Variants in PHTF2 observed in about 807,000 individuals in gnomAD.
PHTF2 encodes protein PHTF2.
Under a neutral mutation model 101.2 loss-of-function variants are expected in PHTF2, and 60 were observed. The observed-to-expected ratio is 0.59, with a 90% CI of 0.48 to 0.73. The LOEUF is 0.73. Ranked by LOEUF, PHTF2 falls within the 30% of genes least tolerant of loss-of-function variation. The pLI is 0.00. For synonymous variants in PHTF2, 311 were observed against 307.3 expected, an observed-to-expected ratio of 1.01 and a Z score of -0.13; for missense variants, 747 against 908.7, an observed-to-expected ratio of 0.82 and a Z score of 2.29.
At chr7:77,855,457 G>C (rs1467097197) in intron 3 of PHTF2, among the ~76,000 whole-genome samples, 1 of 152,190 alleles carries the variant, frequency 6.6e-6, no homozygotes, top group African/African-American at 2.4e-5. Flanking sequence ...AAGGAGTGGT[G>C]CAAGCATTCT....
At chr7:77,897,292 CATTTTTT>C in intron 5 of PHTF2, among the ~76,000 whole-genome samples, 1 of 75,006 alleles carries the variant, frequency 1.3e-5, no homozygotes, top group South Asian at 4.2e-4. Flanking sequence ...CAGCCCATTT[CATTTTTT>C]TTTTTTTTTT....
intron 2 of PHTF2, among the ~76,000 whole-genome samples, chr7:77,847,624 A>G (rs1326644029): frequency 6.6e-6 from 1 of 152,246 alleles, no homozygotes; most frequent in Non-Finnish European, 1.5e-5. Context: ...GGGGTACATG[A>G]GATATTTTGA....
At chr7:77,837,058 A>C (rs1562859219) in intron 1 of PHTF2, among the ~76,000 whole-genome samples, 3 of 152,106 alleles carry the variant, frequency 2.0e-5, no homozygotes, top group African/African-American at 7.2e-5. Flanking sequence ...GCTTAGAGTT[A>C]ACTGCCTAAT....
At chr7:77,808,181 T>C (rs1238480677) in intron 1 of PHTF2, among the ~76,000 whole-genome samples, 2 of 152,204 alleles carry the variant, frequency 1.3e-5, no homozygotes, top group African/African-American at 2.4e-5. Flanking sequence ...TAAGATTCAA[T>C]ATATATTTTA....
At chr7:77,842,916 T>A (rs1322544725) in intron 2 of PHTF2, among the ~76,000 whole-genome samples, 2 of 152,228 alleles carry the variant, frequency 1.3e-5, no homozygotes, top group African/African-American at 4.8e-5. Flanking sequence ...TGAGCATGGC[T>A]GTGTTCCAGT....
chr7:77,825,797 GTT>G (rs1240456703), intron 1 of PHTF2, among the ~76,000 whole-genome samples: 1 of 152,074 alleles, frequency 6.6e-6, no homozygotes, highest in African/African-American at 2.4e-5. Flanking sequence ...GAGGATAGCA[GTT>G]TCTGTATTAA....
intron 2 of PHTF2, 93 bp downstream of exon 2, chr7:77,840,393 G>A: frequency 2.8e-6 from 2 of 724,794 alleles, no homozygotes; most frequent in Non-Finnish European, 2.4e-6. Context: ...ATTTTGAGTG[G>A]GAAAGGAAGA....
chr7:77,934,545 G>A (rs369908605), intron 12 of PHTF2, among the ~76,000 whole-genome samples: 2 of 152,210 alleles, frequency 1.3e-5, no homozygotes, highest in Admixed American at 6.5e-5. Context: ...CAAAGCAGTT[G>A]AGATTTTAAG....
intron 1 of PHTF2, among the ~76,000 whole-genome samples, chr7:77,813,646 TAATGA>T (rs1439049972): frequency 6.6e-6 from 1 of 152,224 alleles, no homozygotes; most frequent in Non-Finnish European, 1.5e-5. Context: ...ATTTAAGCAA[TAATGA>T]AATGTATGAG....
chr7:77,914,671 A>T (rs545593514), intron 9 of PHTF2, among the ~76,000 whole-genome samples: 1 of 152,258 alleles, frequency 6.6e-6, no homozygotes, highest in African/African-American at 2.4e-5. Flanking sequence ...TGAAAATCAC[A>T]GTTTTGTTGT....
At chr7:77,955,165 A>G (rs1022510691) in exon 20 of PHTF2, 1 of 211,458 alleles carries the variant, frequency 4.7e-6, no homozygotes, top group African/African-American at 2.3e-5. Context: ...GTCATAAATA[A>G]TTGGCAAAAT....
At chr7:77,875,677 C>A (rs1798878723) in intron 3 of PHTF2, among the ~76,000 whole-genome samples, 1 of 152,026 alleles carries the variant, frequency 6.6e-6, no homozygotes, top group South Asian at 2.1e-4. Flanking sequence ...CCTGCCTCAG[C>A]CTCCCGAGTA....
chr7:77,865,152 T>A (rs1302025847), intron 3 of PHTF2, among the ~76,000 whole-genome samples: 3 of 152,120 alleles, frequency 2.0e-5, no homozygotes, highest in Admixed American at 1.3e-4. Context: ...ATCCTAGATA[T>A]AAACATTCTG....
chr7:77,872,218 C>T (rs1034667877), intron 3 of PHTF2, among the ~76,000 whole-genome samples: 1 of 152,052 alleles, frequency 6.6e-6, no homozygotes, highest in African/African-American at 2.4e-5. Context: ...GCCCATTGGA[C>T]GATGATGGGG....
chr7:77,889,556 T>C (rs1220946862), intron 3 of PHTF2, among the ~76,000 whole-genome samples: 3 of 151,810 alleles, frequency 2.0e-5, no homozygotes, highest in Non-Finnish European at 4.4e-5. Flanking sequence ...GTAACTAAAA[T>C]GTTCATTCTG....
intron 2 of PHTF2, among the ~76,000 whole-genome samples, chr7:77,847,188 G>A (rs1350452039): frequency 6.6e-6 from 1 of 152,184 alleles, no homozygotes; most frequent in African/African-American, 2.4e-5. Context: ...ATACACAGAA[G>A]TGCTTTCTGA....
At chr7:77,880,581 G>C (rs980440269) in intron 3 of PHTF2, among the ~76,000 whole-genome samples, 1 of 151,876 alleles carries the variant, frequency 6.6e-6, no homozygotes, top group Non-Finnish European at 1.5e-5. Context: ...CATCCTTCTC[G>C]CCCTGCTCAG....
chr7:77,921,922 C>A (rs1344793938), intron 10 of PHTF2, among the ~76,000 whole-genome samples: 1 of 150,718 alleles, frequency 6.6e-6, no homozygotes, highest in Non-Finnish European at 1.5e-5. Flanking sequence ...GTGGGTCTTA[C>A]AATTGATGGC....
intron 1 of PHTF2, among the ~76,000 whole-genome samples, chr7:77,823,895 T>A (rs979179188): frequency 6.6e-6 from 1 of 152,226 alleles, no homozygotes; most frequent in Non-Finnish European, 1.5e-5. Flanking sequence ...AACTCTTTTC[T>A]TTGGCAGTGG....
Sources: gnomAD v4.1 joint callset for allele counts (sites outside exome capture counted in the v4.1 genomes callset) on GRCh38, gnomAD v4.1.1 for gene constraint, MANE v1.5 for transcripts, NCBI Gene and HGNC (gene_info 2026-07-23, HGNC 2026-07-21) for gene names.